MMP26: variants seen among roughly 807,000 people sequenced by gnomAD.
The protein encoded by MMP26 is matrix metallopeptidase 26, also known as matrix metalloproteinase-26.
A neutral mutation model predicts 31.0 loss-of-function variants in MMP26; 33 were observed. The ratio of observed to expected loss-of-function variants is 1.06; its 90% CI spans 0.81 to 1.42. MMP26 has a LOEUF of 1.42. MMP26 is among the 40% of genes most tolerant of loss of function. The pLI, the probability that MMP26 is intolerant of heterozygous loss-of-function variation, is 0.00. For synonymous variants in MMP26, 122 were observed against 114.9 expected (o/e 1.06, Z -0.40); for missense variants, 347 against 316.1 (o/e 1.10, Z -0.74).
At chr11:4,919,157 A>T (rs1416917312) in intron 2 of MMP26, 1 of 152,170 alleles carries the variant, frequency 6.6e-6, no homozygotes, top group Non-Finnish European at 1.5e-5. Flanking sequence ...AAGCCAGCAA[A>T]ATCTGACTGT....
At chr11:4,982,059 T>C (rs1234527807) in intron 2 of MMP26, among the ~76,000 whole-genome samples, 1 of 148,316 alleles carries the variant, frequency 6.7e-6, no homozygotes, top group Admixed American at 6.7e-5. Context: ...CATATATATG[T>C]ATGTATGTAT....
At chr11:4,922,134 A>G (rs565979336) in intron 2 of MMP26, among the ~76,000 whole-genome samples, 6 of 152,340 alleles carry the variant, frequency 3.9e-5, no homozygotes, top group Admixed American at 1.3e-4. Context: ...GTTTCACTTA[A>G]TGGCCAACAA....
Position 4,988,200 on chromosome 11 carries a change from T to G in MMP26, c.-12T>G. 1 of 1,613,366 alleles carries G rather than the reference T, an allele frequency of 6.2e-7. No homozygotes were observed. The highest frequency in any genetic ancestry group is 8.5e-7 in the Non-Finnish European group (1 of 1,179,452). On this transcript the variant is annotated 5_prime_UTR_variant, in exon 3 of 8. It removes an upstream start codon present in the reference 5' UTR. Coordinates refer to ENST00000380390, the MANE Select transcript of MMP26 (RefSeq NM_021801.5). ...ACCTGAATTCAAGCAGTGGGACAAA[T>G]GAGGGTTTGGCATGCAGCTCGTCAT...
At chr11:4,976,465 C>T (rs1297098846) in intron 2 of MMP26, among the ~76,000 whole-genome samples, 3 of 151,900 alleles carry the variant, frequency 2.0e-5, no homozygotes, top group African/African-American at 4.8e-5. Flanking sequence ...ATGAGACTTG[C>T]AATTAGAACA....
chr11:4,776,584 C>T (rs1392185864), intron 2 of MMP26, among the ~76,000 whole-genome samples: 1 of 152,060 alleles, frequency 6.6e-6, no homozygotes, highest in Non-Finnish European at 1.5e-5. Flanking sequence ...AATCTCATTT[C>T]AAATTGTAAT....
chr11:4,834,090 G>A (rs1849684241), intron 2 of MMP26, among the ~76,000 whole-genome samples: 1 of 152,088 alleles, frequency 6.6e-6, no homozygotes, highest in Admixed American at 6.5e-5. Context: ...CGTTTTTCTG[G>A]GGTGAGAATT....
chr11:4,914,716 CAGTT>C lies in MMP26; in HGVS notation c.-144-73348_-144-73345del, dbSNP rs755298876. ...GAGACAGTGGCTCTAACACTAGACA[CAGTT>C]AGTAACAAAAGGCATGCGTCACTCG... On this transcript the variant is annotated intron_variant, in intron 2 of 7. Coordinates refer to ENST00000380390, the MANE Select transcript of MMP26 (RefSeq NM_021801.5). 13 of 1,599,876 alleles carry C rather than the reference CAGTT, an allele frequency of 8.1e-6. No homozygotes were observed. The East Asian group carries it at 1.1e-4, about 14-fold the overall frequency.
At chr11:4,878,973 C>T (rs1237478737) in intron 2 of MMP26, among the ~76,000 whole-genome samples, 4 of 152,264 alleles carry the variant, frequency 2.6e-5, no homozygotes, top group Non-Finnish European at 5.9e-5. Context: ...CGGTGGCTTA[C>T]ACCTGTAATC....
At chr11:4,738,533 G>T (rs1443212453) in intron 1 of MMP26, among the ~76,000 whole-genome samples, 1 of 152,128 alleles carries the variant, frequency 6.6e-6, no homozygotes, top group African/African-American at 2.4e-5. Flanking sequence ...AAAACTTCCA[G>T]ATTTTATGAG....
At chr11:4,954,737 C>T in intron 2 of MMP26, 2 of 851,818 alleles carry the variant, frequency 2.3e-6, no homozygotes, top group Non-Finnish European at 1.8e-6. Context: ...AAATATCTTA[C>T]CAGACATTTC....
At chr11:4,900,023 G>A (rs57757645) in intron 2 of MMP26, among the ~76,000 whole-genome samples, 5,045 of 152,192 alleles carry the variant, frequency 0.033, 279 homozygotes, top group African/African-American at 0.12. Context: ...GATTGTTGGT[G>A]TGTTGTACAT....
chr11:4,798,858 T>C (rs947371138), intron 2 of MMP26, among the ~76,000 whole-genome samples: 6 of 152,234 alleles, frequency 3.9e-5, no homozygotes, highest in Non-Finnish European at 7.3e-5. Context: ...TTTGGCTCTG[T>C]GCAGAGTAGA....
chr11:4,959,452 G>A (rs1346987545), intron 2 of MMP26, among the ~76,000 whole-genome samples: 1 of 151,914 alleles, frequency 6.6e-6, no homozygotes, highest in South Asian at 2.1e-4. Flanking sequence ...AATCTTCCAA[G>A]TCAACTCTCT....
intron 2 of MMP26, among the ~76,000 whole-genome samples, chr11:4,768,071 G>C (rs1306302174): frequency 9.7e-6 from 1 of 103,568 alleles, no homozygotes. Flanking sequence ...AATGGCATTT[G>C]TGAAAACTGT....
At chr11:4,763,588 A>T (rs1174236765) in intron 1 of MMP26, among the ~76,000 whole-genome samples, 3 of 152,228 alleles carry the variant, frequency 2.0e-5, no homozygotes, top group Non-Finnish European at 4.4e-5. Context: ...GGCTAGAAAT[A>T]CTTCATGAGA....
chr11:4,881,910 T>G (rs771879980), intron 2 of MMP26: 1 of 1,612,426 alleles, frequency 6.2e-7, no homozygotes, highest in Non-Finnish European at 8.5e-7. Flanking sequence ...ATGGCAATAT[T>G]CAATAACACC....
chr11:4,881,827 T>TA (rs1392609806), intron 2 of MMP26: 14 of 1,285,884 alleles, frequency 1.1e-5, no homozygotes, highest in Non-Finnish European at 1.6e-5. Context: ...AAATGACTAA[T>TA]AAAATGTATG....
At chr11:4,730,150 T>C (rs1202363555) in intron 1 of MMP26, among the ~76,000 whole-genome samples, 4 of 152,150 alleles carry the variant, frequency 2.6e-5, no homozygotes, top group South Asian at 4.1e-4. Context: ...GTCTTTCCCT[T>C]ATTGGGTTGC....
intron 2 of MMP26, chr11:4,822,184 C>T (rs778950282): frequency 1.3e-5 from 21 of 1,605,724 alleles, no homozygotes; most frequent in Non-Finnish European, 1.8e-5. Context: ...CATCTTCTAC[C>T]TCCCTCTCAT....
Sources: allele counts gnomAD v4.1 joint callset (sites outside exome capture counted in the v4.1 genomes callset), GRCh38; gene constraint gnomAD v4.1.1; transcripts MANE v1.5; gene names NCBI Gene and HGNC (gene_info 2026-07-23, HGNC 2026-07-21).